The following KALRN variants were observed in gnomAD, a reference collection of about 807,000 sequenced individuals.
KALRN encodes kalirin RhoGEF kinase.
KALRN carries 70 observed loss-of-function variants against 353.7 expected under a neutral mutation model. That is an observed-to-expected ratio of 0.20 (90% confidence interval 0.16 to 0.24). The LOEUF (loss-of-function observed/expected upper bound fraction) is 0.24. Ranked by LOEUF, KALRN falls within the 10% of genes least tolerant of loss-of-function variation. The probability of loss-of-function intolerance (pLI) is 1.00; values close to 1 mark genes in which losing one functional copy is unlikely to be tolerated. For missense variants in KALRN, 2,791 were observed against 3,756.7 expected, an observed-to-expected ratio of 0.74 and a Z score of 6.72; for synonymous variants, 1,391 against 1,434.8, an observed-to-expected ratio of 0.97 and a Z score of 0.69.
chr3:124,448,784 G>A (rs766751242), intron 21 of KALRN, among the ~76,000 whole-genome samples: 19 of 152,108 alleles, frequency 1.2e-4, no homozygotes, highest in Non-Finnish European at 2.6e-4. Flanking sequence ...AAGCCGACAG[G>A]ATACTTAAAG....
chr3:124,569,739 T>C (rs1265846429), intron 34 of KALRN, among the ~76,000 whole-genome samples: 1 of 152,224 alleles, frequency 6.6e-6, no homozygotes, highest in African/African-American at 2.4e-5. Context: ...CCAGTCTAGC[T>C]GAATCTAAGA....
At chr3:124,049,723 A>G (rs572865024) in intron 1 of KALRN, among the ~76,000 whole-genome samples, 5 of 152,310 alleles carry the variant, frequency 3.3e-5, no homozygotes, top group Non-Finnish European at 7.3e-5. Context: ...TTTGGAAAAG[A>G]GACATGTGTA....
At chr3:124,537,579 G>A (rs1020918565) in intron 33 of KALRN, among the ~76,000 whole-genome samples, 10 of 152,192 alleles carry the variant, frequency 6.6e-5, no homozygotes, top group Admixed American at 6.5e-4. Flanking sequence ...GATGGAAAAG[G>A]ATTTCCAGAA....
At chr3:124,717,746 A>G (rs2063213875) in intron 59 of KALRN, among the ~76,000 whole-genome samples, 1 of 152,202 alleles carries the variant, frequency 6.6e-6, no homozygotes, top group Admixed American at 6.5e-5. Flanking sequence ...GCCAAGTCCA[A>G]CTTACCAGTC....
intron 3 of KALRN, among the ~76,000 whole-genome samples, chr3:124,244,821 G>A (rs7645187): frequency 0.53 from 81,115 of 151,726 alleles, 22,109 homozygotes; most frequent in African/African-American, 0.57. Flanking sequence ...GCAATCATGG[G>A]CTTTTTTTAG....
chr3:124,392,972 A>G (rs2089670678), intron 11 of KALRN, among the ~76,000 whole-genome samples: 1 of 108,352 alleles, frequency 9.2e-6, no homozygotes, highest in African/African-American at 3.8e-5. Context: ...AGAGTGTGAT[A>G]TTCCCCTTCC....
At chr3:124,666,868 G>C (rs1295408606) in intron 46 of KALRN, 144 bp from the exon 47 acceptor site, 2 of 857,294 alleles carry the variant, frequency 2.3e-6, no homozygotes, top group African/African-American at 3.4e-5. Context: ...CTCACCCAGA[G>C]ACAAAAACCT....
At chr3:124,279,733 G>C (rs574659033) in intron 5 of KALRN, among the ~76,000 whole-genome samples, 1 of 152,338 alleles carries the variant, frequency 6.6e-6, no homozygotes, top group Admixed American at 6.5e-5. Context: ...ACTGTGCCAG[G>C]GATGGGCAAT....
In KALRN at chr3:124,674,580, G is replaced by C; in HGVS notation, c.7159G>C (p.Ala2387Pro). Residue 2387 changes from alanine (A) to proline (P), a missense_variant, in exon 49 of 60, where the codon GCC becomes CCC. Ala to Pro is a conservative substitution (Grantham distance 27). This residue lies in a region of KALRN where 1,065 missense variants were observed against 1,156.4 expected (regional missense o/e 0.92). Transcript: ENST00000682506. ...PGSILAPLTKATAAESSDGSI... is the reference protein window; with the variant it reads ...PGSILAPLTKPTAAESSDGSI... ...CAGCATCCTGGCGCCCCTCACCAAA[G>C]CCACAGCAGCAGAAAGTAGTGACGG... 6.2e-7 allele frequency: 1 copy of C among 1,606,300 alleles called. No homozygotes were observed. Among genetic ancestry groups the C allele is most frequent in the Non-Finnish European group, 8.5e-7 (1 of 1,175,310 alleles).
At chr3:124,136,688 T>A (rs1199093609) in intron 1 of KALRN, among the ~76,000 whole-genome samples, 2 of 152,146 alleles carry the variant, frequency 1.3e-5, no homozygotes, top group Non-Finnish European at 2.9e-5. Flanking sequence ...GGAAACCTAG[T>A]GGCTGTTAAA....
intron 25 of KALRN, among the ~76,000 whole-genome samples, chr3:124,467,867 A>T (rs1365959203): frequency 6.6e-6 from 1 of 152,106 alleles, no homozygotes; most frequent in Non-Finnish European, 1.5e-5. Flanking sequence ...TGGACAGATA[A>T]TAAGGAGAAA....
At chr3:124,355,709 CTTTT>C (rs3055894) in intron 10 of KALRN, among the ~76,000 whole-genome samples, 3 of 97,444 alleles carry the variant, frequency 3.1e-5, no homozygotes, top group Non-Finnish European at 3.9e-5. Context: ...TCTCTCCCAT[CTTTT>C]TTTTTTTTTT....
chr3:124,049,950 C>G (rs949616263), intron 1 of KALRN, among the ~76,000 whole-genome samples: 1 of 152,152 alleles, frequency 6.6e-6, no homozygotes, highest in Non-Finnish European at 1.5e-5. Context: ...CTGGATTAAT[C>G]TCTTTTGGAT....
chr3:124,351,027 A>C (rs1196465141), intron 10 of KALRN, among the ~76,000 whole-genome samples: 1 of 152,182 alleles, frequency 6.6e-6, no homozygotes, highest in Admixed American at 6.5e-5. Context: ...TGCTGACCAC[A>C]GTGAAGGCAG....
At chr3:124,158,716 T>C (rs1249692665) in intron 1 of KALRN, among the ~76,000 whole-genome samples, 1 of 152,138 alleles carries the variant, frequency 6.6e-6, no homozygotes. Context: ...AGGATGGCTA[T>C]ATTGATTGCA....
intron 33 of KALRN, among the ~76,000 whole-genome samples, chr3:124,530,194 A>G (rs1041051121): frequency 1.3e-5 from 2 of 152,212 alleles, no homozygotes; most frequent in African/African-American, 4.8e-5. Context: ...AATACATAAA[A>G]GGGATAGAAA....
At chr3:124,532,174 G>C (rs1372657417) in intron 33 of KALRN, among the ~76,000 whole-genome samples, 2 of 152,196 alleles carry the variant, frequency 1.3e-5, no homozygotes, top group African/African-American at 4.8e-5. Context: ...CCCAATAGCA[G>C]AGTCACTGAC....
At chr3:124,038,039 G>A (rs2039597718) in intron 1 of KALRN, among the ~76,000 whole-genome samples, 1 of 152,186 alleles carries the variant, frequency 6.6e-6, no homozygotes, top group African/African-American at 2.4e-5. Flanking sequence ...TGGAAGGTTG[G>A]ATGCAGCCGA....
At chr3:124,511,107 C>T in intron 33 of KALRN, among the ~76,000 whole-genome samples, 1 of 152,092 alleles carries the variant, frequency 6.6e-6, no homozygotes, top group East Asian at 1.9e-4. Context: ...GCCACCTACA[C>T]TAATATTGCC....
Sources: allele counts gnomAD v4.1 joint callset (sites outside exome capture counted in the v4.1 genomes callset), GRCh38; gene constraint gnomAD v4.1.1; regional missense constraint gnomAD v4.1.1; transcripts MANE v1.5; gene names NCBI Gene and HGNC (gene_info 2026-07-23, HGNC 2026-07-21).